VPS37A: variants seen among roughly 807,000 people sequenced by gnomAD.
VPS37A encodes the protein vacuolar protein sorting-associated protein 37A.
VPS37A carries 30 observed loss-of-function variants against 49.8 expected under a neutral mutation model. The observed-to-expected ratio is 0.60, with a 90% confidence interval of 0.45 to 0.82. The LOEUF (loss-of-function observed/expected upper bound fraction) is 0.82. Ranked by LOEUF, VPS37A falls within the 40% of genes least tolerant of loss-of-function variation. The pLI, the probability that VPS37A is intolerant of heterozygous loss-of-function variation, is 0.00. For missense variants in VPS37A, 593 were observed against 464.4 expected, an observed-to-expected ratio of 1.28 and a Z score of -2.55; for synonymous variants, 195 against 160.6, an observed-to-expected ratio of 1.21 and a Z score of -1.62.
the VPS37A span, among the ~76,000 whole-genome samples, chr8:17,331,690 C>T: frequency 6.6e-6 from 1 of 152,184 alleles, no homozygotes; most frequent in Non-Finnish European, 1.5e-5. Context: ...AGGCTCTATA[C>T]ATTATTATAT....
intron 1 of VPS37A, among the ~76,000 whole-genome samples, chr8:17,253,222 T>C (rs983131103): frequency 1.3e-5 from 2 of 152,222 alleles, no homozygotes; most frequent in Non-Finnish European, 2.9e-5. Context: ...TTTCTGCTGT[T>C]TGCTCACCTA....
At chr8:17,275,848 T>A (rs1388161490) in intron 5 of VPS37A, among the ~76,000 whole-genome samples, 1 of 152,194 alleles carries the variant, frequency 6.6e-6, no homozygotes, top group Admixed American at 6.5e-5. Flanking sequence ...GGACTTGGTT[T>A]TTCCAAAACC....
intron 1 of VPS37A, 41 bp downstream of exon 1, chr8:17,247,410 T>A: frequency 1.7e-5 from 1 of 58,628 alleles, no homozygotes; most frequent in Non-Finnish European, 3.3e-5. Context: ...AAAAGTAGGG[T>A]GGGAGGGCGG....
chr8:17,272,620 G>T (rs1322686787), intron 4 of VPS37A, among the ~76,000 whole-genome samples: 1 of 152,098 alleles, frequency 6.6e-6, no homozygotes, highest in Non-Finnish European at 1.5e-5. Context: ...CAGAATTATT[G>T]ATTTAAATTC....
At chr8:17,261,711 G>C (rs923344559) in intron 1 of VPS37A, among the ~76,000 whole-genome samples, 2 of 152,164 alleles carry the variant, frequency 1.3e-5, no homozygotes, top group African/African-American at 4.8e-5. Flanking sequence ...TAAGTACCTG[G>C]AGCAGTGCCC....
intron 1 of VPS37A, among the ~76,000 whole-genome samples, chr8:17,257,507 G>A (rs1231763087): frequency 6.6e-6 from 1 of 152,096 alleles, no homozygotes; most frequent in East Asian, 1.9e-4. Context: ...GTTAGGGGAG[G>A]GATAGCATTA....
intron 9 of VPS37A, 77 bp from the exon 10 acceptor site, chr8:17,284,396 A>G: frequency 6.7e-7 from 1 of 1,484,524 alleles, no homozygotes; most frequent in Non-Finnish European, 8.9e-7. Flanking sequence ...TCTCCATACC[A>G]CTACCTTACT....
intron 1 of VPS37A, among the ~76,000 whole-genome samples, chr8:17,253,279 C>T (rs7818793): frequency 0.24 from 36,995 of 152,164 alleles, 5,719 homozygotes; most frequent in East Asian, 0.6. Flanking sequence ...TCTTCCATGT[C>T]TACTACCACA....
the VPS37A span, among the ~76,000 whole-genome samples, chr8:17,328,949 A>G: frequency 4.8e-4 from 73 of 152,362 alleles, 1 homozygote; most frequent in Admixed American, 4.1e-3. Context: ...TAGAGGACCT[A>G]CACAGGATGT....
At chr8:17,309,201 C>A in the VPS37A span, 1 of 1,018,238 alleles carries the variant, frequency 9.8e-7, no homozygotes, top group Non-Finnish European at 1.5e-6. Flanking sequence ...ACGATTTTCC[C>A]CTAAATATTC....
At chr8:17,288,361 T>C (rs574406233) in intron 11 of VPS37A, among the ~76,000 whole-genome samples, 1 of 152,314 alleles carries the variant, frequency 6.6e-6, no homozygotes, top group East Asian at 1.9e-4. Context: ...TCTAATGCTA[T>C]TCCTCTCCTT....
At chr8:17,247,627 G>A (rs2151026377) in intron 1 of VPS37A, 1 of 704,976 alleles carries the variant, frequency 1.4e-6, no homozygotes, top group Middle Eastern at 2.3e-4. Flanking sequence ...CATAGCTGCT[G>A]ACTGTAATCT....
At chr8:17,309,216 GAA>G in the VPS37A span, 2 of 1,137,060 alleles carry the variant, frequency 1.8e-6, no homozygotes, top group Admixed American at 4.3e-5. Context: ...ATATTCAATT[GAA>G]ATTTTCAGAA....
the VPS37A span, among the ~76,000 whole-genome samples, chr8:17,321,068 T>C: frequency 2.6e-5 from 4 of 152,340 alleles, no homozygotes; most frequent in Admixed American, 6.5e-5. Context: ...AGCATTCTCG[T>C]TGATTATAAG....
Position 17,247,126 on chromosome 8 carries a change from A to G in VPS37A, c.-119A>G. ...CAGGCTTAGAGAAGACGCGGTCCCC[A>G]GCGCTTGGGCCACGGACGTCCCACC... On this transcript the variant is annotated 5_prime_UTR_variant, in exon 1 of 12. Coordinates refer to ENST00000324849, the MANE Select transcript of VPS37A (RefSeq NM_152415.3). 7.2e-7 allele frequency: 1 copy of G among 1,385,182 alleles called. No homozygotes were observed. Among genetic ancestry groups the G allele is most frequent in the Non-Finnish European group, 9.9e-7 (1 of 1,015,028 alleles). The allele number at this position is 1,385,182 out of a possible 1,614,324, so 85.8% of individuals were successfully genotyped here.
intron 1 of VPS37A, among the ~76,000 whole-genome samples, chr8:17,252,469 C>T (rs1026125180): frequency 6.6e-6 from 1 of 152,194 alleles, no homozygotes; most frequent in Non-Finnish European, 1.5e-5. Context: ...TGAGCTGCCA[C>T]ACCCAGCCCA....
chr8:17,292,752 G>A (rs1471707127), intron 11 of VPS37A, among the ~76,000 whole-genome samples: 1 of 152,144 alleles, frequency 6.6e-6, no homozygotes, highest in African/African-American at 2.4e-5. Context: ...ATTATTGGTT[G>A]AAAATTCTTT....
intron 1 of VPS37A, 199 bp downstream of exon 1, chr8:17,247,568 G>T: frequency 1.3e-6 from 1 of 766,182 alleles, no homozygotes; most frequent in Non-Finnish European, 2.2e-6. Context: ...GCCTCCTGCC[G>T]CACCACTGCT....
At chr8:17,252,178 T>G (rs1364587936) in intron 1 of VPS37A, among the ~76,000 whole-genome samples, 1 of 152,200 alleles carries the variant, frequency 6.6e-6, no homozygotes, top group Non-Finnish European at 1.5e-5. Flanking sequence ...TCCTTTTTAT[T>G]TATTTATTTT....
Sources: allele counts gnomAD v4.1 joint callset (sites outside exome capture counted in the v4.1 genomes callset), GRCh38; gene constraint gnomAD v4.1.1; transcripts MANE v1.5; gene names NCBI Gene and HGNC (gene_info 2026-07-23, HGNC 2026-07-21).